The following CLASP2 variants were observed in gnomAD, a reference collection of about 807,000 sequenced individuals.
CLASP2 encodes the protein CLIP-associating protein 2.
A neutral mutation model predicts 194.4 loss-of-function variants in CLASP2; 47 were observed. That is an observed-to-expected ratio of 0.24 (90% CI 0.19 to 0.31). CLASP2 has a LOEUF of 0.31. CLASP2 is among the 10% of genes least tolerant of loss of function. The probability of loss-of-function intolerance (pLI) is 1.00; values close to 1 mark genes in which losing one functional copy is unlikely to be tolerated. For missense variants in CLASP2, 1,445 were observed against 1,823.6 expected, an observed-to-expected ratio of 0.79 and a Z score of 3.78; for synonymous variants, 619 against 633.5, an observed-to-expected ratio of 0.98 and a Z score of 0.34.
chr3:33,567,535 C>T (rs2062962281), intron 26 of CLASP2, among the ~76,000 whole-genome samples: 6 of 152,136 alleles, frequency 3.9e-5, no homozygotes, highest in Admixed American at 2.6e-4. Flanking sequence ...GCAACTGATA[C>T]TGCTTGCATT....
intron 36 of CLASP2, 142 bp downstream of exon 36, chr3:33,515,881 T>G: frequency 1.5e-6 from 1 of 685,120 alleles, no homozygotes; most frequent in Non-Finnish European, 2.2e-6. Context: ...GAAAAAAATA[T>G]GCTTGCATCT....
chr3:33,632,181 A>G, intron 9 of CLASP2, 111 bp downstream of exon 9: 1 of 593,880 alleles, frequency 1.7e-6, no homozygotes, highest in Admixed American at 3.9e-5. Flanking sequence ...CAAATATTTC[A>G]TTTATATAGC....
intron 7 of CLASP2, among the ~76,000 whole-genome samples, chr3:33,654,847 G>T (rs2083867682): frequency 6.6e-6 from 1 of 151,982 alleles, no homozygotes; most frequent in South Asian, 2.1e-4. Context: ...GTTTAATAGA[G>T]GCCATGATAA....
intron 31 of CLASP2, 145 bp from the exon 32 acceptor site, chr3:33,543,684 G>C (rs190810451): frequency 1.8e-6 from 1 of 563,690 alleles, no homozygotes; most frequent in East Asian, 2.8e-5. Context: ...ATGTACTTAC[G>C]TCTGGTTTCC....
At chr3:33,708,138 C>T (rs1029281850) in intron 1 of CLASP2, among the ~76,000 whole-genome samples, 4 of 152,082 alleles carry the variant, frequency 2.6e-5, no homozygotes, top group Non-Finnish European at 5.9e-5. Context: ...ACTATAGTCA[C>T]CATACTGTGC....
chr3:33,574,528 T>A, intron 24 of CLASP2: 1 of 1,364,292 alleles, frequency 7.3e-7, no homozygotes, highest in Non-Finnish European at 1.0e-6. Flanking sequence ...AGAGAAAAAT[T>A]GAAAATAATG....
intron 2 of CLASP2, among the ~76,000 whole-genome samples, chr3:33,692,436 T>C (rs537847538): frequency 6.6e-5 from 10 of 152,060 alleles, no homozygotes; most frequent in Non-Finnish European, 8.8e-5. Context: ...ACAAAAAACT[T>C]CACATTACAT....
Position 33,607,480 on chromosome 3 carries a change from C to T in CLASP2, c.1449-19G>A. ...TGCATGTCTATAAAATAAAATACATCTTTAGAGTTATGATATAGCTGTATG... is the reference window on the plus strand; with the variant it reads ...TGCATGTCTATAAAATAAAATACATTTTTAGAGTTATGATATAGCTGTATG... On this transcript the variant is annotated intron_variant, in intron 14 of 38. Coordinates refer to ENST00000682230, the MANE Select transcript of CLASP2 (RefSeq NM_001365631.1). 1 of 1,554,386 alleles carries T rather than the reference C, an allele frequency of 6.4e-7. No homozygotes were observed. Among genetic ancestry groups the T allele is most frequent in the Non-Finnish European group, 8.8e-7 (1 of 1,138,750 alleles).
intron 18 of CLASP2, among the ~76,000 whole-genome samples, chr3:33,597,890 C>T (rs1239224886): frequency 6.6e-6 from 1 of 151,800 alleles, no homozygotes; most frequent in Non-Finnish European, 1.5e-5. Context: ...GTAGCTGGGA[C>T]TAGAGGCATG....
chr3:33,598,644 T>C (rs976088139), intron 18 of CLASP2, among the ~76,000 whole-genome samples: 1 of 152,206 alleles, frequency 6.6e-6, no homozygotes, highest in Non-Finnish European at 1.5e-5. Context: ...CAACCACAGA[T>C]AATTCCTACC....
chr3:33,510,360 C>T (rs1343292002), intron 37 of CLASP2, among the ~76,000 whole-genome samples, 198 bp downstream of exon 37: 6 of 152,072 alleles, frequency 3.9e-5, no homozygotes, highest in African/African-American at 9.7e-5. Flanking sequence ...AATTAAAAAT[C>T]GTTAATTTTA....
chr3:33,592,472 G>A lies in CLASP2; in HGVS notation c.1991C>T (p.Ala664Val). 6.2e-7 allele frequency: 1 copy of A among 1,613,482 alleles called. No homozygotes were observed. The highest frequency in any genetic ancestry group is 8.5e-7 in the Non-Finnish European group (1 of 1,179,654). The change falls in exon 21 of 39, where the codon GCA becomes GTA. Residue 664 changes from alanine to valine, a missense_variant. Ala to Val is a moderately conservative substitution (Grantham distance 64). Coordinates refer to ENST00000682230, the MANE Select transcript of CLASP2 (RefSeq NM_001365631.1). ...GGCATTTCCCATGCCAGCAAGTGGTGCTGAAAGTTTTGCTCTCACCCGGCC... is the reference window on the plus strand; with the variant it reads ...GGCATTTCCCATGCCAGCAAGTGGTACTGAAAGTTTTGCTCTCACCCGGCC... ...EDGRVRAKLSAPLAGMGNAKA... is the reference protein window; with the variant it reads ...EDGRVRAKLSVPLAGMGNAKA...
At chr3:33,625,971 T>A (rs1412109744) in intron 10 of CLASP2, among the ~76,000 whole-genome samples, 1 of 152,102 alleles carries the variant, frequency 6.6e-6, no homozygotes, top group Non-Finnish European at 1.5e-5. Context: ...AACCCTTAAG[T>A]AAAAAGTTCA....
chr3:33,545,060 C>G, intron 30 of CLASP2: 1 of 363,906 alleles, frequency 2.7e-6, no homozygotes, highest in Non-Finnish European at 4.8e-6. Flanking sequence ...ATATGAAAAG[C>G]ATAACAAATA....
intron 12 of CLASP2, among the ~76,000 whole-genome samples, chr3:33,615,887 A>G (rs1304125892): frequency 6.6e-6 from 1 of 152,166 alleles, no homozygotes; most frequent in Non-Finnish European, 1.5e-5. Context: ...GATTGAAAAC[A>G]TAAATAAAAC....
intron 34 of CLASP2, among the ~76,000 whole-genome samples, chr3:33,520,354 T>A (rs1232308841): frequency 1.3e-5 from 2 of 152,140 alleles, no homozygotes; most frequent in African/African-American, 4.8e-5. Flanking sequence ...ATCAAAGAAA[T>A]GCAAAGGATA....
rs568821764 is a variant in CLASP2 at position 33,568,553 on chromosome 3, C to CAAA, written c.2764-1822_2764-1820dup. Among the ~76,000 whole-genome samples the CAAA allele has an allele frequency of 8.1e-4, 46 of 56,824 alleles. 1 individual carries two copies. The highest frequency in any genetic ancestry group is 2.8e-3 in the African/African-American group (37 of 13,140). The allele number at this position is 56,824 out of a possible 152,430, so 37.3% of individuals were successfully genotyped here. On this transcript the variant is annotated intron_variant, in intron 26 of 38. Transcript: ENST00000682230. ...TGGGTGACAGAAAGAGATCTTGTCT[C>CAAA]AAAAAAAAAAAAAAAAAAAAAATTA... is the stretch of plus-strand genomic sequence containing the variant.
At chr3:33,612,106 TAC>T (rs1340589209) in intron 12 of CLASP2, 35 bp from the exon 13 acceptor site, 1 of 1,324,416 alleles carries the variant, frequency 7.6e-7, no homozygotes, top group African/African-American at 1.4e-5. Flanking sequence ...TTGAAAATAC[TAC>T]ACACTTCATG....
At chr3:33,697,205 G>A (rs1200017963) in intron 1 of CLASP2, among the ~76,000 whole-genome samples, 1 of 152,166 alleles carries the variant, frequency 6.6e-6, no homozygotes, top group Non-Finnish European at 1.5e-5. Context: ...AGGTCACACA[G>A]GAGTTTACTG....
Sources: allele counts gnomAD v4.1 joint callset (sites outside exome capture counted in the v4.1 genomes callset), GRCh38; gene constraint gnomAD v4.1.1; transcripts MANE v1.5; gene names NCBI Gene and HGNC (gene_info 2026-07-23, HGNC 2026-07-21).